Variants in MAP4K1 observed in about 807,000 individuals in gnomAD.
MAP4K1 encodes the protein mitogen-activated protein kinase kinase kinase kinase 1.
Under a neutral mutation model 122.8 loss-of-function variants are expected in MAP4K1, and 35 were observed. That is an observed-to-expected ratio of 0.29 (90% CI 0.22 to 0.38). MAP4K1 has a LOEUF of 0.38. MAP4K1 is among the 10% of genes least tolerant of loss of function. The probability of loss-of-function intolerance (pLI) is 1.00; values close to 1 mark genes in which losing one functional copy is unlikely to be tolerated. For synonymous variants in MAP4K1, 412 were observed against 421.3 expected, an observed-to-expected ratio of 0.98 and a Z score of 0.27; for missense variants, 791 against 1,072.6, an observed-to-expected ratio of 0.74 and a Z score of 3.67.
chr19:38,597,827 TG>T lies in MAP4K1; in HGVS notation c.1670-234del, dbSNP rs1974936241. ...TGAACAGTGATGAGCATAAAAAATA[TG>T]TTCCCTACCCTCGTGGTATTTGTAG... On this transcript the variant is annotated intron_variant, in intron 22 of 30. Transcript: ENST00000396857. The surrounding 1 kb of genome is among the most constrained non-coding windows in gnomAD (Gnocchi z 4.6). Among the ~76,000 whole-genome samples the T allele has an allele frequency of 6.6e-6, 1 of 152,108 alleles. No individual in the cohort carries two copies. Among genetic ancestry groups the T allele is most frequent in the African/African-American group, 2.4e-5 (1 of 41,434 alleles).
chr19:38,608,824 A>G (rs998723577), intron 13 of MAP4K1, among the ~76,000 whole-genome samples: 1 of 148,778 alleles, frequency 6.7e-6, no homozygotes, highest in African/African-American at 2.5e-5. Context: ...AAAAAAAAAA[A>G]AAAAACATTA....
At chr19:38,594,851 G>C (rs1031017907) in intron 29 of MAP4K1, among the ~76,000 whole-genome samples, 1 of 152,054 alleles carries the variant, frequency 6.6e-6, no homozygotes, top group Non-Finnish European at 1.5e-5. Flanking sequence ...TGAGGCAGGA[G>C]AATTCTTTGA....
At chr19:38,590,394 A>T (rs1006655937) in intron 30 of MAP4K1, among the ~76,000 whole-genome samples, 1,228 of 15,444 alleles carry the variant, frequency 0.08, 42 homozygotes, top group Non-Finnish European at 0.1. Context: ...AAAAAAAAAA[A>T]ATATATATAT....
intron 8 of MAP4K1, among the ~76,000 whole-genome samples, chr19:38,613,146 A>G (rs1975548325): frequency 6.6e-6 from 1 of 152,054 alleles, no homozygotes; most frequent in South Asian, 2.1e-4. Flanking sequence ...CGTCTCTACT[A>G]AAAGTACAAA....
intron 30 of MAP4K1, among the ~76,000 whole-genome samples, chr19:38,592,007 C>T (rs1248709899): frequency 1.3e-5 from 2 of 150,602 alleles, no homozygotes; most frequent in Admixed American, 6.6e-5. Flanking sequence ...TGTGGTGGCT[C>T]ATGCCAGTAA....
At chr19:38,612,333 T>C (rs1250710701) in intron 9 of MAP4K1, among the ~76,000 whole-genome samples, 1 of 151,234 alleles carries the variant, frequency 6.6e-6, no homozygotes, top group East Asian at 1.9e-4. Context: ...GGCAGGAAAA[T>C]AGCTTGAACC....
chr19:38,601,773 A>T, intron 19 of MAP4K1: 1 of 466,610 alleles, frequency 2.1e-6, no homozygotes, highest in Non-Finnish European at 3.8e-6. Flanking sequence ...CACTATCCTA[A>T]ATCATCAGCA....
rs143309950 is a variant in MAP4K1 at position 38,587,978 on chromosome 19, AAGG to A, written c.2397-164_2397-162del. On this transcript the variant is annotated intron_variant, in intron 30 of 30. Transcript: ENST00000396857. Reference sequence around the variant, plus strand: ...CCCTTAGGAAGCTTGCATTCTAGAGAAGGAGATCAACATGAATCAGTGAATTAC... The same window carrying A: ...CCCTTAGGAAGCTTGCATTCTAGAGAAGATCAACATGAATCAGTGAATTAC... Among the ~76,000 whole-genome samples, 721 of 152,324 alleles carry A rather than the reference AAGG, an allele frequency of 4.7e-3. 1 individual carries two copies. Among genetic ancestry groups the A allele is most frequent in the African/African-American group, 0.017 (704 of 41,572 alleles).
intron 20 of MAP4K1, among the ~76,000 whole-genome samples, 165 bp from the exon 21 acceptor site, chr19:38,600,318 G>A (rs910648766): frequency 7.9e-5 from 12 of 152,046 alleles, no homozygotes; most frequent in African/African-American, 2.4e-4. Flanking sequence ...AAGCCAGAGC[G>A]GACGGTCCCG....
At chr19:38,607,799 A>AG in intron 16 of MAP4K1, 65 bp downstream of exon 16, 1 of 1,552,060 alleles carries the variant, frequency 6.4e-7, no homozygotes, top group Non-Finnish European at 8.8e-7. Context: ...AGGCCACATC[A>AG]GGGGATTGTA....
At chr19:38,614,774 T>G in intron 4 of MAP4K1, 1 of 339,516 alleles carries the variant, frequency 2.9e-6, no homozygotes, top group Non-Finnish European at 5.7e-6. Context: ...ATACAAAAAT[T>G]AGCCAGGCAT....
intron 19 of MAP4K1, among the ~76,000 whole-genome samples, chr19:38,603,857 G>C (rs949581350): frequency 6.6e-6 from 1 of 151,908 alleles, no homozygotes; most frequent in South Asian, 2.1e-4. Flanking sequence ...GGTGGTGGGC[G>C]CCTGTAGTCA....
chr19:38,596,472 TG>T lies in MAP4K1; in HGVS notation c.1955del (p.Pro652HisfsTer12). On this transcript the variant is annotated frameshift_variant, in exon 26 of 31. Transcript: ENST00000396857. LOFTEE classifies it high-confidence loss of function. Reference protein sequence around the residue: ...KFLLVRQVLFPLPTPLSVFAL... With the variant: ...KFLLVRQVLFXLPTPLSVFAL... ...CGAACACGGACAGAGGCGTCGGCAG[TG>T]GGAACAGCACCTGCTGCGGGCCGCA... The T allele has an allele frequency of 1.3e-6, 2 of 1,568,346 alleles. No individual in the cohort carries two copies. The highest frequency in any genetic ancestry group is 8.6e-7 in the Non-Finnish European group (1 of 1,160,568).
rs368395491 is a variant in MAP4K1 at position 38,611,102 on chromosome 19, G to A, written c.759C>T (p.Val253=). 3 of 1,613,576 alleles carry A rather than the reference G, an allele frequency of 1.9e-6. No homozygotes were observed. The highest frequency in any genetic ancestry group is 3.3e-5 in the Admixed American group (2 of 59,896). ...WSAAFHNFIK[V]TLTKSPKKRP... is the part of the protein sequence containing the mutation. ...GTTTCTTGGGACTCTTAGTCAGAGT[G>A]ACTTTGATGAAGTTGTGGAAGGCAG... Residue 253 remains valine, a synonymous_variant, in exon 11 of 31, where the codon GTC becomes GTT. Coordinates refer to ENST00000396857, the MANE Select transcript of MAP4K1 (RefSeq NM_001042600.3).
intron 8 of MAP4K1, 38 bp from the exon 9 acceptor site, chr19:38,612,780 G>A: frequency 6.2e-7 from 1 of 1,607,346 alleles, no homozygotes; most frequent in Non-Finnish European, 8.5e-7. Context: ...GAGGTGGCAT[G>A]GGGACAGGAA....
chr19:38,605,434 G>A lies in MAP4K1; in HGVS notation c.1421C>T (p.Pro474Leu), dbSNP rs374788994. The change falls in exon 19 of 31, where the codon CCC (proline) becomes CTC (leucine). Residue 474 changes from proline (P) to leucine (L), a missense_variant. Physicochemically the swap from Pro to Leu is moderately conservative, Grantham distance 98 (BLOSUM62 -3). Transcript: ENST00000396857. Reference sequence around the variant, plus strand: ...CTTTCTCTTCATCTTTTCCTTCTTGGGGGGCAGAAGTGGGGGCTTGTCAAG... The same window carrying A: ...CTTTCTCTTCATCTTTTCCTTCTTGAGGGGCAGAAGTGGGGGCTTGTCAAG... Reference protein sequence around the residue: ...RELDKPPLLPPKKEKMKRKGC... With the variant: ...RELDKPPLLPLKKEKMKRKGC... The A allele has an allele frequency of 3.7e-6, 6 of 1,601,608 alleles. No individual in the cohort carries two copies. The highest frequency in any genetic ancestry group is 5.1e-6 in the Non-Finnish European group (6 of 1,175,248).
chr19:38,612,810 G>A (rs1975537713), intron 8 of MAP4K1, 68 bp from the exon 9 acceptor site: 1 of 1,569,650 alleles, frequency 6.4e-7, no homozygotes. Context: ...GGGCAGAGAA[G>A]GAGAAGGAGT....
chr19:38,607,786 G>T, intron 16 of MAP4K1, 78 bp downstream of exon 16: 1 of 1,503,274 alleles, frequency 6.7e-7, no homozygotes, highest in South Asian at 1.2e-5. Flanking sequence ...AGGAGTGGAG[G>T]AAAGGCCACA....
Position 38,617,835 on chromosome 19 carries a change from G to C in MAP4K1, c.61C>G (p.Gln21Glu). The C allele has an allele frequency of 1.2e-6, 2 of 1,614,150 alleles. No individual in the cohort carries two copies. Among genetic ancestry groups the C allele is most frequent in the Non-Finnish European group, 1.7e-6 (2 of 1,180,016 alleles). Reference sequence around the variant, plus strand: ...CCATACGTGCCGCCACCCAGCCGCTGTAGCAGGTCATAGTGGTCCCGGGGG... The same window carrying C: ...CCATACGTGCCGCCACCCAGCCGCTCTAGCAGGTCATAGTGGTCCCGGGGG... ...RDPRDHYDLL[Q>E]RLGGGTYGEV... The change falls in exon 1 of 31, where the codon CAG becomes GAG. Residue 21 changes from glutamine (Q) to glutamate (E), a missense_variant. Coordinates refer to ENST00000396857, the MANE Select transcript of MAP4K1 (RefSeq NM_001042600.3). The surrounding 1 kb of genome is among the most constrained non-coding windows in gnomAD (Gnocchi z 4.1).
Sources: allele counts gnomAD v4.1 joint callset (sites outside exome capture counted in the v4.1 genomes callset), GRCh38; gene constraint gnomAD v4.1.1; non-coding constraint Gnocchi (gnomAD v3.1); transcripts MANE v1.5; gene names NCBI Gene and HGNC (gene_info 2026-07-23, HGNC 2026-07-21).